The following SEMA6D variants were observed in gnomAD, a reference collection of about 807,000 sequenced individuals.
The protein encoded by SEMA6D is semaphorin-6D.
In SEMA6D, 35 loss-of-function variants were observed where a neutral mutation model predicts 106.6. The ratio of observed to expected loss-of-function variants is 0.33; its 90% CI spans 0.25 to 0.44. The LOEUF (loss-of-function observed/expected upper bound fraction) is 0.44, where lower values mean the gene tolerates loss of function less well. SEMA6D is among the 20% of genes least tolerant of loss of function. SEMA6D has a pLI of 1.00. For synonymous variants in SEMA6D, 499 were observed against 487.7 expected (o/e 1.02, Z -0.31); for missense variants, 1,185 against 1,345.9 (o/e 0.88, Z 1.87).
intron 1 of SEMA6D, among the ~76,000 whole-genome samples, chr15:47,365,910 AG>A (rs2039006588): frequency 6.8e-6 from 1 of 148,034 alleles, no homozygotes; most frequent in Admixed American, 6.8e-5. Context: ...AGAGAGAGAG[AG>A]AGAGAGAGAG....
At chr15:47,185,367 C>T (rs1893492131) in intron 1 of SEMA6D, among the ~76,000 whole-genome samples, 1 of 152,146 alleles carries the variant, frequency 6.6e-6, no homozygotes, top group Admixed American at 6.5e-5. Context: ...GAACAGGGCA[C>T]GGTATTTCCC....
At chr15:47,329,277 G>C (rs892684398) in intron 1 of SEMA6D, among the ~76,000 whole-genome samples, 2 of 152,190 alleles carry the variant, frequency 1.3e-5, no homozygotes, top group African/African-American at 4.8e-5. Context: ...TCTGTGGAAG[G>C]AGTGTTTAAA....
At chr15:47,447,317 T>A (rs922679396) in intron 2 of SEMA6D, among the ~76,000 whole-genome samples, 1 of 152,068 alleles carries the variant, frequency 6.6e-6, no homozygotes, top group African/African-American at 2.4e-5. Context: ...CTGGCCAGGA[T>A]TAGAGGGTCG....
At chr15:47,383,336 G>A (rs1022695915) in intron 1 of SEMA6D, among the ~76,000 whole-genome samples, 1 of 152,200 alleles carries the variant, frequency 6.6e-6, no homozygotes, top group Non-Finnish European at 1.5e-5. Flanking sequence ...AACTCAGATG[G>A]CACATATGGA....
intron 4 of SEMA6D, among the ~76,000 whole-genome samples, chr15:47,651,055 A>G (rs1180087957): frequency 6.6e-6 from 1 of 152,166 alleles, no homozygotes; most frequent in Admixed American, 6.6e-5. Context: ...TACCTTAATG[A>G]CATGAGTGGC....
chr15:47,457,971 T>C (rs2042394405), intron 2 of SEMA6D, among the ~76,000 whole-genome samples: 3 of 151,476 alleles, frequency 2.0e-5, no homozygotes, highest in African/African-American at 7.3e-5. Context: ...TTGAAAACAA[T>C]GCAAGCCAGA....
intron 3 of SEMA6D, among the ~76,000 whole-genome samples, chr15:47,567,338 A>G (rs943637327): frequency 6.6e-6 from 1 of 152,252 alleles, no homozygotes; most frequent in Admixed American, 6.5e-5. Context: ...AAAATTTAAT[A>G]GTGAGGAAAA....
intron 3 of SEMA6D, among the ~76,000 whole-genome samples, chr15:47,581,620 T>TA (rs1357906198): frequency 6.6e-6 from 1 of 152,150 alleles, no homozygotes; most frequent in Non-Finnish European, 1.5e-5. Context: ...GCAAAGGTCT[T>TA]AAACCAGGAA....
intron 4 of SEMA6D, among the ~76,000 whole-genome samples, chr15:47,683,521 A>G (rs1277321111): frequency 6.6e-6 from 1 of 152,224 alleles, no homozygotes; most frequent in Non-Finnish European, 1.5e-5. Flanking sequence ...GCATCATATT[A>G]TAAACTCTGT....
At chr15:47,412,661 G>T (rs529437826) in intron 2 of SEMA6D, among the ~76,000 whole-genome samples, 2 of 152,142 alleles carry the variant, frequency 1.3e-5, no homozygotes, top group Non-Finnish European at 2.9e-5. Context: ...TTGTTGGTAC[G>T]AGTGAAAATA....
chr15:47,762,677 G>T (rs2082126920), intron 8 of SEMA6D, among the ~76,000 whole-genome samples: 1 of 152,188 alleles, frequency 6.6e-6, no homozygotes, highest in Non-Finnish European at 1.5e-5. Context: ...GAGCCATTTT[G>T]TTCTTCAGAG....
chr15:47,228,216 G>A (rs986112972), intron 1 of SEMA6D, among the ~76,000 whole-genome samples: 2 of 150,186 alleles, frequency 1.3e-5, no homozygotes, highest in Non-Finnish European at 3.0e-5. Context: ...TGTCATACAA[G>A]TGATTGAGTC....
intron 1 of SEMA6D, among the ~76,000 whole-genome samples, chr15:47,234,552 T>C (rs935651665): frequency 7.2e-5 from 11 of 152,006 alleles, no homozygotes; most frequent in African/African-American, 2.7e-4. Flanking sequence ...TGTATGACTT[T>C]GCATACCCAT....
intron 3 of SEMA6D, among the ~76,000 whole-genome samples, chr15:47,582,691 G>A (rs940668212): frequency 6.6e-6 from 1 of 152,108 alleles, no homozygotes; most frequent in East Asian, 1.9e-4. Flanking sequence ...AGGAGACGGT[G>A]GGTGATGAGG....
intron 4 of SEMA6D, among the ~76,000 whole-genome samples, chr15:47,602,770 C>G (rs1264174704): frequency 2.0e-5 from 3 of 152,136 alleles, no homozygotes; most frequent in African/African-American, 7.2e-5. Context: ...AACACCATCT[C>G]CTGAGCTCCA....
intron 1 of SEMA6D, among the ~76,000 whole-genome samples, chr15:47,279,704 A>G (rs1454165272): frequency 2.6e-5 from 4 of 152,168 alleles, no homozygotes; most frequent in Non-Finnish European, 4.4e-5. Flanking sequence ...ACGTCCCATC[A>G]ATACCTAATT....
At chr15:47,329,403 A>C (rs2037255156) in intron 1 of SEMA6D, among the ~76,000 whole-genome samples, 1 of 152,246 alleles carries the variant, frequency 6.6e-6, no homozygotes, top group African/African-American at 2.4e-5. Context: ...TCCTGTATGT[A>C]CTGACTATAA....
At chr15:47,310,656 AT>A (rs1257001913) in intron 1 of SEMA6D, among the ~76,000 whole-genome samples, 1 of 152,120 alleles carries the variant, frequency 6.6e-6, no homozygotes, top group African/African-American at 2.4e-5. Context: ...GGTACTAGAA[AT>A]TTTTGTCTCG....
At chr15:47,546,456 G>T (rs114628609) in intron 3 of SEMA6D, among the ~76,000 whole-genome samples, 2 of 152,036 alleles carry the variant, frequency 1.3e-5, no homozygotes, top group East Asian at 1.9e-4. Context: ...CAATTAACCC[G>T]CACTGGACAT....
Sources: allele counts gnomAD v4.1 joint callset (sites outside exome capture counted in the v4.1 genomes callset), GRCh38; gene constraint gnomAD v4.1.1; transcripts MANE v1.5; gene names NCBI Gene and HGNC (gene_info 2026-07-23, HGNC 2026-07-21).